CFAP69: variants seen among roughly 807,000 people sequenced by gnomAD.
The protein encoded by CFAP69 is cilia and flagella associated protein 69.
In CFAP69, 92 loss-of-function variants were observed where a neutral mutation model predicts 123.0. The observed-to-expected ratio is 0.75, with a 90% confidence interval of 0.63 to 0.89. The LOEUF (loss-of-function observed/expected upper bound fraction) is 0.89. CFAP69 is among the 40% of genes least tolerant of loss of function. The pLI, the probability that CFAP69 is intolerant of heterozygous loss-of-function variation, is 0.00. For synonymous variants in CFAP69, 380 were observed against 364.3 expected, an observed-to-expected ratio of 1.04 and a Z score of -0.49; for missense variants, 1,067 against 1,096.9, an observed-to-expected ratio of 0.97 and a Z score of 0.39.
the CFAP69 span, chr7:90,319,067 G>C: frequency 7.8e-6 from 2 of 254,886 alleles, no homozygotes; most frequent in Admixed American, 5.4e-5. Flanking sequence ...ATAATTACAG[G>C]GTTAAATGGC....
chr7:90,296,793 A>G (rs1298378007), intron 15 of CFAP69, among the ~76,000 whole-genome samples: 3 of 152,188 alleles, frequency 2.0e-5, no homozygotes, highest in Non-Finnish European at 4.4e-5. Flanking sequence ...TACAGGTCAG[A>G]GGTGGATTCA....
At chr7:90,282,824 A>G (rs1383426238) in intron 12 of CFAP69, 68 bp from the exon 13 acceptor site, 6 of 1,241,970 alleles carry the variant, frequency 4.8e-6, no homozygotes, top group South Asian at 5.4e-5. Context: ...TGATAGATGT[A>G]TAAGATATCT....
intron 20 of CFAP69, 40 bp downstream of exon 20, chr7:90,307,138 G>T (rs545864563): frequency 6.6e-7 from 1 of 1,509,944 alleles, no homozygotes; most frequent in Non-Finnish European, 9.1e-7. Flanking sequence ...ATGAAGATAG[G>T]TTGGTTAATG....
intron 8 of CFAP69, among the ~76,000 whole-genome samples, chr7:90,272,747 G>C (rs1800142074): frequency 6.6e-6 from 1 of 151,998 alleles, no homozygotes. Flanking sequence ...CCAAGCCTAT[G>C]TAGTAAGACC....
the CFAP69 span, chr7:90,316,698 A>C: frequency 6.6e-6 from 1 of 152,252 alleles, no homozygotes; most frequent in African/African-American, 2.4e-5. Flanking sequence ...ATCATCAAAA[A>C]GCTTAAGATG....
In CFAP69 at chr7:90,310,443, G is replaced by A; in HGVS notation, c.*205G>A. On this transcript the variant is annotated 3_prime_UTR_variant, in exon 23 of 23. Transcript: ENST00000389297. ...CAGAAGAGTTGTCATCAGTTTCTTT[G>A]GAAAGGCTACCAATTTTACTAAGTG... 3.4e-6 allele frequency: 1 copy of A among 296,334 alleles called. No individual in the cohort carries two copies. Among genetic ancestry groups the A allele is most frequent in the Non-Finnish European group, 6.0e-6 (1 of 165,630 alleles). 18.4% of individuals were successfully genotyped at this position (296,334 alleles called of 1,614,324 possible).
chr7:90,314,583 T>C (rs17869585), downstream of CFAP69, among the ~76,000 whole-genome samples: 288 of 151,806 alleles, frequency 1.9e-3, 6 homozygotes, highest in East Asian at 0.028. Flanking sequence ...GAGCCGTGAT[T>C]GCACCACTGA....
rs1206169810 is a variant in CFAP69, at chr7:90,261,955, G to A, written c.255G>A (p.Arg85=). 1.3e-6 allele frequency: 2 copies of A among 1,539,760 alleles called. No homozygotes were observed. Among genetic ancestry groups the A allele is most frequent in the Non-Finnish European group, 1.8e-6 (2 of 1,137,628 alleles). Residue 85 remains arginine, a synonymous_variant, in exon 4 of 23, where the codon AGG becomes AGA. Transcript: ENST00000389297. ...AACTAAAAATATTAAAGCCATTAAG[G>A]GATTTAGCACAGATATTTAAAATTC... ...VQCYQNGLPL[R]DLAQIFKILN... is the part of the protein sequence containing the mutation.
At position 90,307,766 on chromosome 7, in the gene CFAP69, A is replaced by G. The variant is rs567588666; in HGVS notation, c.2464-2A>G. The G allele has an allele frequency of 1.9e-5, 30 of 1,574,314 alleles. No individual in the cohort carries two copies. Among genetic ancestry groups the G allele is most frequent in the Non-Finnish European group, 2.6e-5 (30 of 1,163,794 alleles). On this transcript the variant is annotated splice_acceptor_variant, in intron 20 of 22. Coordinates refer to ENST00000389297, the MANE Select transcript of CFAP69 (RefSeq NM_001039706.3). LOFTEE classifies it high-confidence loss of function. ...GAAACTTAATTATCTTTCTCATTTC[A>G]GATACAGGCCACGCACAAGCAAAGA...
intron 3 of CFAP69, 151 bp from the exon 4 acceptor site, chr7:90,261,796 T>C (rs1183569115): frequency 7.6e-6 from 3 of 395,250 alleles, no homozygotes; most frequent in Non-Finnish European, 1.3e-5. Context: ...ATTTCCTTTT[T>C]TAGACTTCAA....
intron 18 of CFAP69, chr7:90,304,438 A>G (rs1432273305): frequency 1.7e-6 from 2 of 1,205,272 alleles, no homozygotes; most frequent in African/African-American, 3.2e-5. Flanking sequence ...CTGTCTATTA[A>G]GGAAAAAGTT....
intron 14 of CFAP69, 106 bp from the exon 15 acceptor site, chr7:90,288,128 C>T: frequency 1.3e-6 from 1 of 753,618 alleles, no homozygotes; most frequent in South Asian, 2.4e-5. Flanking sequence ...AACAATGTTG[C>T]TGTATTTCTC....
intron 12 of CFAP69, among the ~76,000 whole-genome samples, chr7:90,282,214 T>G (rs1307851042): frequency 6.7e-6 from 1 of 149,424 alleles, no homozygotes; most frequent in Non-Finnish European, 1.5e-5. Flanking sequence ...CTGGTCATAG[T>G]GGCACACACC....
chr7:90,304,171 G>A, intron 18 of CFAP69, 65 bp downstream of exon 18: 2 of 1,424,544 alleles, frequency 1.4e-6, no homozygotes, highest in Non-Finnish European at 1.8e-6. Flanking sequence ...ATTTTACTTT[G>A]GAGACAGTTT....
the CFAP69 span, among the ~76,000 whole-genome samples, chr7:90,320,138 CCACAA>C: frequency 6.6e-6 from 1 of 152,192 alleles, no homozygotes; most frequent in East Asian, 1.9e-4. Flanking sequence ...CTCCTACCTA[CCACAA>C]CACATTTCAA....
chr7:90,246,832 A>G (rs1415199440), intron 1 of CFAP69, among the ~76,000 whole-genome samples: 4 of 146,344 alleles, frequency 2.7e-5, no homozygotes, highest in African/African-American at 1.0e-4. Context: ...TTTTTTTTTT[A>G]GGGAAAAATA....
rs1478891662 is a variant in CFAP69, at chr7:90,279,792, T to C, written c.1271T>C (p.Ile424Thr). 2 of 1,612,980 alleles carry C rather than the reference T, an allele frequency of 1.2e-6. No individual in the cohort carries two copies. Among genetic ancestry groups the C allele is most frequent in the Admixed American group, 3.4e-5 (2 of 59,624 alleles). ...CATGAAGAATTACAACTGCATGCAA[T>C]TGCCACTTTGTCATCAGTGGCTCCT... ...AQHEELQLHA[I>T]ATLSSVAPLL... Residue 424 changes from isoleucine (I) to threonine (T), a missense_variant, in exon 12 of 23, where the codon ATT (isoleucine) becomes ACT (threonine). Ile to Thr is a moderately conservative substitution (Grantham distance 89). Coordinates refer to ENST00000389297, the MANE Select transcript of CFAP69 (RefSeq NM_001039706.3).
chr7:90,265,509 A>G, intron 5 of CFAP69, 132 bp downstream of exon 5: 1 of 593,432 alleles, frequency 1.7e-6, no homozygotes, highest in East Asian at 2.9e-5. Flanking sequence ...TTGTTAGTGA[A>G]TTAATCACAG....
intron 16 of CFAP69, among the ~76,000 whole-genome samples, chr7:90,298,356 C>T (rs1584515846): frequency 1.3e-5 from 2 of 152,174 alleles, no homozygotes; most frequent in African/African-American, 4.8e-5. Flanking sequence ...ACAGTGCCAT[C>T]TAGCAGCTGT....
Sources: gnomAD v4.1 joint callset for allele counts (sites outside exome capture counted in the v4.1 genomes callset) on GRCh38, gnomAD v4.1.1 for gene constraint, MANE v1.5 for transcripts, NCBI Gene and HGNC (gene_info 2026-07-23, HGNC 2026-07-21) for gene names.